The following FAXDC2 variants were observed in gnomAD, a reference collection of about 807,000 sequenced individuals.
The protein encoded by FAXDC2 is fatty acid hydroxylase domain-containing protein 2.
In FAXDC2, 41 loss-of-function variants were observed where a neutral mutation model predicts 40.9. The observed-to-expected ratio is 1.00, with a 90% CI of 0.78 to 1.30. FAXDC2 has a LOEUF of 1.30. FAXDC2 is among the 50% of genes most tolerant of loss of function. The pLI, the probability that FAXDC2 is intolerant of heterozygous loss-of-function variation, is 0.00. For synonymous variants in FAXDC2, 157 were observed against 149.3 expected (o/e 1.05, Z -0.38); for missense variants, 390 against 408.8 (o/e 0.95, Z 0.40).
intron 5 of FAXDC2, among the ~76,000 whole-genome samples, chr5:154,825,288 C>T (rs752989744): frequency 1.2e-4 from 18 of 151,094 alleles, no homozygotes; most frequent in Non-Finnish European, 2.2e-4. Flanking sequence ...CACTTGAATC[C>T]GGGAGGCGGA....
At chr5:154,839,342 A>AG (rs1341114605) in intron 1 of FAXDC2, among the ~76,000 whole-genome samples, 1 of 151,192 alleles carries the variant, frequency 6.6e-6, no homozygotes, top group African/African-American at 2.4e-5. Flanking sequence ...AAAAAAAAAA[A>AG]GAAAAGAAAT....
chr5:154,828,082 T>A (rs1417529426), intron 5 of FAXDC2, among the ~76,000 whole-genome samples: 2 of 152,066 alleles, frequency 1.3e-5, no homozygotes, highest in Non-Finnish European at 2.9e-5. Context: ...ACTCCTGGGC[T>A]CAAGTGATCC....
chr5:154,832,476 C>T (rs1256808967), intron 4 of FAXDC2, among the ~76,000 whole-genome samples: 1 of 152,170 alleles, frequency 6.6e-6, no homozygotes, highest in African/African-American at 2.4e-5. Flanking sequence ...GCTGGGATTA[C>T]AGGCGTGAGC....
chr5:154,835,780 A>G (rs1052770523), intron 2 of FAXDC2, among the ~76,000 whole-genome samples: 7 of 146,942 alleles, frequency 4.8e-5, no homozygotes, highest in Non-Finnish European at 8.9e-5. Context: ...ACGGGGTTTC[A>G]CTGTGTTAGC....
chr5:154,837,184 A>G (rs1760368560), intron 2 of FAXDC2, among the ~76,000 whole-genome samples: 1 of 151,724 alleles, frequency 6.6e-6, no homozygotes, highest in African/African-American at 2.4e-5. Context: ...GAGCATGCTC[A>G]CTCACTGACT....
rs577806424 is a variant in FAXDC2 at position 154,837,272 on chromosome 5, TTTTTTTG to T, written c.48+852_48+858del. On this transcript the variant is annotated intron_variant, in intron 2 of 8. Transcript: ENST00000326080. ...CAGACCAATTGGAGGAACTTGCTCTTTTTTTTGTTTTTTTGTTTGTTTGTTTGTTTGT... is the reference window on the plus strand; with the variant it reads ...CAGACCAATTGGAGGAACTTGCTCTTTTTTTTTGTTTGTTTGTTTGTTTGT... Among the ~76,000 whole-genome samples, 368 of 152,012 alleles carry T rather than the reference TTTTTTTG, an allele frequency of 2.4e-3. 2 individuals are homozygous for T. Among genetic ancestry groups the T allele is most frequent in the African/African-American group, 8.4e-3 (348 of 41,402 alleles).
intron 5 of FAXDC2, among the ~76,000 whole-genome samples, chr5:154,825,071 A>AG (rs1759987881): frequency 6.6e-6 from 1 of 151,260 alleles, no homozygotes; most frequent in South Asian, 2.1e-4. Context: ...AAAAAAAAAA[A>AG]AAAAAAAAAA....
intron 4 of FAXDC2, among the ~76,000 whole-genome samples, chr5:154,831,945 A>G (rs992289671): frequency 6.6e-6 from 1 of 152,232 alleles, no homozygotes. Flanking sequence ...GAGTATTTCC[A>G]TATAATGGAA....
At chr5:154,824,923 A>AT (rs978345560) in intron 5 of FAXDC2, among the ~76,000 whole-genome samples, 5 of 151,672 alleles carry the variant, frequency 3.3e-5, no homozygotes, top group African/African-American at 9.7e-5. Flanking sequence ...ACCCCATCTA[A>AT]TTTTTTTTAA....
intron 1 of FAXDC2, among the ~76,000 whole-genome samples, chr5:154,840,120 G>A (rs1350609373): frequency 2.6e-5 from 4 of 152,124 alleles, no homozygotes; most frequent in African/African-American, 7.2e-5. Context: ...ACTGGACTTC[G>A]TGCCACTTAT....
intron 1 of FAXDC2, among the ~76,000 whole-genome samples, chr5:154,842,821 C>T (rs866340728): frequency 4.0e-5 from 6 of 151,504 alleles, no homozygotes; most frequent in Non-Finnish European, 8.8e-5. Flanking sequence ...TGAGCCACTG[C>T]ACCCGGCCCT....
At chr5:154,820,621 G>A (rs1759861634) in intron 8 of FAXDC2, 149 bp from the exon 9 acceptor site, 1 of 608,984 alleles carries the variant, frequency 1.6e-6, no homozygotes, top group Non-Finnish European at 2.8e-6. Context: ...ATAAGCTGGG[G>A]AGTTGCTACC....
chr5:154,837,655 G>A (rs979838898), intron 2 of FAXDC2, among the ~76,000 whole-genome samples: 1 of 152,114 alleles, frequency 6.6e-6, no homozygotes, highest in African/African-American at 2.4e-5. Flanking sequence ...GGGATGTTGG[G>A]TTTTTTCATC....
At chr5:154,838,254 A>C (rs1760400912) in intron 1 of FAXDC2, 76 bp from the exon 2 acceptor site, 1 of 1,362,328 alleles carries the variant, frequency 7.3e-7, no homozygotes. Flanking sequence ...GGAGAAAGTC[A>C]AAGTGTATGG....
chr5:154,840,503 T>C (rs1760451665), intron 1 of FAXDC2, among the ~76,000 whole-genome samples: 1 of 151,696 alleles, frequency 6.6e-6, no homozygotes, highest in African/African-American at 2.4e-5. Flanking sequence ...GGACTACAGG[T>C]GTACACCACC....
chr5:154,829,709 G>A (rs746417620), intron 5 of FAXDC2, among the ~76,000 whole-genome samples: 9 of 152,326 alleles, frequency 5.9e-5, no homozygotes, highest in African/African-American at 9.6e-5. Flanking sequence ...TAGTTTACCC[G>A]TGTAACACCT....
At chr5:154,824,460 C>G in intron 5 of FAXDC2, 1 of 702,474 alleles carries the variant, frequency 1.4e-6, no homozygotes, top group Non-Finnish European at 2.6e-6. Context: ...TGAGGCCTGC[C>G]TCTTCCTCCA....
chr5:154,835,117 A>G, intron 2 of FAXDC2, 183 bp from the exon 3 acceptor site: 1 of 583,862 alleles, frequency 1.7e-6, no homozygotes, highest in East Asian at 2.9e-5. Context: ...AGGAGCTCTC[A>G]GGCTGTACAT....
chr5:154,821,356 C>A lies in FAXDC2; in HGVS notation c.749G>T (p.Trp250Leu). The A allele has an allele frequency of 6.2e-7, 1 of 1,611,298 alleles. No homozygotes were observed. The highest frequency in any genetic ancestry group is 1.3e-5 in the African/African-American group (1 of 74,784). ...GGTGATGATGAGGGCCAAGGAAAACCACATGGTGATGGAGGACAAGTGGGA... is the reference window on the plus strand; with the variant it reads ...GGTGATGATGAGGGCCAAGGAAAACAACATGGTGATGGAGGACAAGTGGGA... ...MGSHLSSITM[W>L]FSLALIITTI... The change falls in exon 8 of 9, where the codon TGG becomes TTG. Residue 250 changes from tryptophan to leucine, a missense_variant. Transcript: ENST00000326080.
Sources: gnomAD v4.1 joint callset for allele counts (sites outside exome capture counted in the v4.1 genomes callset) on GRCh38, gnomAD v4.1.1 for gene constraint, MANE v1.5 for transcripts, NCBI Gene and HGNC (gene_info 2026-07-23, HGNC 2026-07-21) for gene names.